JUP: variants seen among roughly 807,000 people sequenced by gnomAD.
JUP encodes the protein junction plakoglobin.
In JUP, 28 loss-of-function variants were observed where a neutral mutation model predicts 71.1. The ratio of observed to expected loss-of-function variants is 0.39; its 90% confidence interval spans 0.29 to 0.54. JUP has a LOEUF of 0.54. Among genes scored for constraint, JUP ranks in the 20% least tolerant of loss-of-function variants. The pLI is 0.62. For missense variants in JUP, 869 were observed against 1,030.1 expected, an observed-to-expected ratio of 0.84 and a Z score of 2.14; for synonymous variants, 401 against 438.9, an observed-to-expected ratio of 0.91 and a Z score of 1.08.
In JUP at chr17:41,755,821, C is replaced by A; in HGVS notation, c.2161G>T (p.Asp721Tyr). The change falls in exon 14 of 14, where the codon GAT (aspartate) becomes TAT (tyrosine). Residue 721 changes from aspartate (D) to tyrosine (Y), a missense_variant. By Grantham distance (160) the Asp-to-Tyr change is radical. Transcript: ENST00000393931. ...TAGGTGTCGATGGGGTAGTCTCCAT[C>A]CATGTCCATGTGCATCTCCAGCGGG... The part of the protein sequence containing the change: ...LDPLEMHMDM[D>Y]GDYPIDTYSD... 1 of 1,613,370 alleles carries A rather than the reference C, an allele frequency of 6.2e-7. No individual in the cohort carries two copies.
intron 8 of JUP, among the ~76,000 whole-genome samples, chr17:41,761,458 G>A (rs535300229): frequency 6.6e-6 from 1 of 150,570 alleles, no homozygotes; most frequent in African/African-American, 2.5e-5. Flanking sequence ...CAACCCTCTC[G>A]TCTACACCCA....
chr17:41,756,310 G>T, intron 12 of JUP, 96 bp from the exon 13 acceptor site: 1 of 1,289,312 alleles, frequency 7.8e-7, no homozygotes, highest in Non-Finnish European at 1.1e-6. Context: ...TTCTAAAAGA[G>T]GGGGCCAGGC....
chr17:41,786,022 C>G (rs2047439494), intron 1 of JUP: 1 of 152,238 alleles, frequency 6.6e-6, no homozygotes, highest in South Asian at 2.1e-4. Flanking sequence ...CTCACCTGCT[C>G]GGCAGGTGGG....
At chr17:41,761,336 G>C (rs1314746656) in intron 8 of JUP, among the ~76,000 whole-genome samples, 1 of 152,118 alleles carries the variant, frequency 6.6e-6, no homozygotes, top group Non-Finnish European at 1.5e-5. Flanking sequence ...CCAAGTTCTG[G>C]GGTGTGAGCA....
At chr17:41,778,458 T>G (rs1567829863) in intron 1 of JUP, among the ~76,000 whole-genome samples, 1 of 151,544 alleles carries the variant, frequency 6.6e-6, no homozygotes, top group Non-Finnish European at 1.5e-5. Context: ...TCCCAGCTAC[T>G]TGGGAGGCTG....
At position 41,767,480 on chromosome 17, in the gene JUP, G is replaced by A. The variant is rs1915914627; in HGVS notation, c.808C>T (p.Leu270=). The change falls in exon 5 of 14, where the codon CTG becomes TTG. Residue 270 remains leucine, a synonymous_variant. Coordinates refer to ENST00000393931, the MANE Select transcript of JUP (RefSeq NM_002230.4). ...TTGAGCAGGGGCACCATCTTTTGCA[G>A]CCCGTCGGCCAGGCGCACGGCCATC... is the stretch of plus-strand genomic sequence containing the variant. ...AKMAVRLADG[L]QKMVPLLNKN... The A allele has an allele frequency of 2.5e-6, 4 of 1,613,988 alleles. No individual in the cohort carries two copies. Among genetic ancestry groups the A allele is most frequent in the Non-Finnish European group, 3.4e-6 (4 of 1,179,988 alleles).
intron 13 of JUP, 102 bp from the exon 14 acceptor site, chr17:41,755,997 GGTGGGC>G: frequency 5.0e-6 from 7 of 1,405,352 alleles, no homozygotes; most frequent in Non-Finnish European, 6.6e-6. Context: ...GCCCACCCCT[GGTGGGC>G]CTGACCCCTC....
At position 41,755,699 on chromosome 17, in the gene JUP, G is replaced by A; in HGVS notation, c.*45C>T. On this transcript the variant is annotated 3_prime_UTR_variant, in exon 14 of 14. Coordinates refer to ENST00000393931, the MANE Select transcript of JUP (RefSeq NM_002230.4). ...CTCCAACAGAAGGAGGTTCTAGAGA[G>A]GAGGAAAAGCCTGCAAAGAGGGGGC... 1 of 1,511,478 alleles carries A rather than the reference G, an allele frequency of 6.6e-7. No individual in the cohort carries two copies. The highest frequency in any genetic ancestry group is 8.9e-7 in the Non-Finnish European group (1 of 1,128,146). The allele number at this position is 1,511,478 out of a possible 1,614,324, so 93.6% of individuals were successfully genotyped here. A position where few individuals can be genotyped will look rare whatever the true frequency, so the allele number is the denominator to read the frequency against.
At chr17:41,768,352 C>T (rs1183187054) in intron 4 of JUP, among the ~76,000 whole-genome samples, 1 of 151,864 alleles carries the variant, frequency 6.6e-6, no homozygotes, top group Non-Finnish European at 1.5e-5. Flanking sequence ...TAAGCCGAGA[C>T]TGTGCCATTG....
rs557477747 is a variant in JUP, at chr17:41,762,447, C to A, written c.1497+536G>T. On this transcript the variant is annotated intron_variant, in intron 8 of 13. Transcript: ENST00000393931. ...GCTCTGTCACCCAGGCTGGAGTGCA[C>A]TGATGCAATCATAGCTCACTGTAAC... Among the ~76,000 whole-genome samples, 5 of 152,110 alleles carry A rather than the reference C, an allele frequency of 3.3e-5. No homozygotes were observed. In the South Asian group the frequency reaches 1.0e-3, roughly 32 times the overall value.
intron 5 of JUP, among the ~76,000 whole-genome samples, 172 bp from the exon 6 acceptor site, chr17:41,765,239 C>T (rs1056497825): frequency 3.3e-5 from 5 of 152,180 alleles, no homozygotes; most frequent in South Asian, 4.1e-4. Flanking sequence ...TCTCACTATG[C>T]TGCCCAGGCT....
At chr17:41,757,887 C>T in intron 10 of JUP, 103 bp from the exon 11 acceptor site, 1 of 1,007,438 alleles carries the variant, frequency 9.9e-7, no homozygotes, top group Admixed American at 2.6e-5. Flanking sequence ...GTAGCAATTC[C>T]ATAGTGGAAA....
At chr17:41,769,376 C>T (rs1555605579) in intron 3 of JUP, 42 bp downstream of exon 3, 2 of 1,589,190 alleles carry the variant, frequency 1.3e-6, no homozygotes, top group South Asian at 1.1e-5. Context: ...TGCTCTCTCC[C>T]CTCCCTGCCC....
chr17:41,759,275 AT>A (rs1396557706), intron 8 of JUP, among the ~76,000 whole-genome samples: 5 of 151,996 alleles, frequency 3.3e-5, no homozygotes, highest in Non-Finnish European at 7.4e-5. Flanking sequence ...GGGTTTCGCC[AT>A]GTTGGGCAGG....
rs376123010 is a variant in JUP at position 41,769,530 on chromosome 17, G to A, written c.356C>T (p.Pro119Leu). Residue 119 changes from proline to leucine, a missense_variant, in exon 3 of 14, where the codon CCG becomes CTG. Transcript: ENST00000393931. ...QATNLQRLAE[P>L]SQLLKSAIVH... ...AATGGCCGACTTGAGCAGCTGGGAC[G>A]GCTCGGCCAGTCGCTGCAGGTTGGT... is the stretch of plus-strand genomic sequence containing the variant. 29 of 1,610,946 alleles carry A rather than the reference G, an allele frequency of 1.8e-5. No individual in the cohort carries two copies. The African/African-American group carries it at 2.8e-4, about 16-fold the overall frequency.
At chr17:41,776,690 G>A (rs367991806) in intron 1 of JUP, among the ~76,000 whole-genome samples, 1 of 152,168 alleles carries the variant, frequency 6.6e-6, no homozygotes, top group African/African-American at 2.4e-5. Context: ...CTAGGCAACA[G>A]AGCGAGACCG....
intron 4 of JUP, among the ~76,000 whole-genome samples, chr17:41,768,402 A>AC (rs1555604865): frequency 2.1e-5 from 1 of 48,016 alleles, no homozygotes; most frequent in African/African-American, 1.3e-4. Context: ...TCCATCTCAA[A>AC]ACAAAAAAAA....
At chr17:41,760,685 C>T (rs534885586) in intron 8 of JUP, among the ~76,000 whole-genome samples, 3 of 152,278 alleles carry the variant, frequency 2.0e-5, no homozygotes, top group Admixed American at 2.0e-4. Context: ...CTCAGCCTTC[C>T]GAGTAGCTGA....
At chr17:41,770,939 C>T (rs781816814) in intron 2 of JUP, among the ~76,000 whole-genome samples, 9 of 152,244 alleles carry the variant, frequency 5.9e-5, no homozygotes, top group Admixed American at 2.0e-4. Flanking sequence ...GGCTCTCCCA[C>T]AAACGTGAGG....
Sources: gnomAD v4.1 joint callset for allele counts (sites outside exome capture counted in the v4.1 genomes callset) on GRCh38, gnomAD v4.1.1 for gene constraint, MANE v1.5 for transcripts, NCBI Gene and HGNC (gene_info 2026-07-23, HGNC 2026-07-21) for gene names.